DMD: variants seen among roughly 807,000 people sequenced by gnomAD.
DMD encodes mutant dystrophin.
In DMD, 63 loss-of-function variants were observed where a neutral mutation model predicts 330.1. The observed-to-expected ratio is 0.19, with a 90% CI of 0.16 to 0.24. DMD has a LOEUF of 0.24. DMD is among the 10% of genes least tolerant of loss of function. DMD has a pLI of 1.00. For synonymous variants in DMD, 1,223 were observed against 959.8 expected, an observed-to-expected ratio of 1.27 and a Z score of -5.07; for missense variants, 3,344 against 2,684.1, an observed-to-expected ratio of 1.25 and a Z score of -5.43.
intron 59 of DMD, among the ~76,000 whole-genome samples, chrX:31,468,805 T>C (rs2067069768): frequency 1.8e-5 from 2 of 111,850 alleles, no homozygotes; most frequent in Admixed American, 9.5e-5. Flanking sequence ...TCTATGTCTC[T>C]TTGTAGGTCT....
chrX:32,933,001 T>A (rs1362567567), intron 2 of DMD, among the ~76,000 whole-genome samples: 2 of 111,721 alleles, frequency 1.8e-5, no homozygotes, highest in Admixed American at 1.9e-4. Context: ...AAAATTCACC[T>A]TATCCAAACG....
rs1245709646 is a variant in DMD, at chrX:31,611,385, T to A, written c.8217+16288A>T. Among the ~76,000 whole-genome samples the A allele has an allele frequency of 9.9e-5, 11 of 111,291 alleles. No homozygotes were observed. The East Asian group carries it at 2.8e-3, about 29-fold the overall frequency. On this transcript the variant is annotated intron_variant, in intron 55 of 78. Transcript: ENST00000357033. ...CCCCAGGATTACAGAGGCTAGTGTT[T>A]AGGAACAGGACCCTAACTTCTTGAC...
intron 1 of DMD, among the ~76,000 whole-genome samples, chrX:33,036,811 A>ATATATT (rs2094211668): frequency 9.2e-6 from 1 of 109,040 alleles, no homozygotes; most frequent in African/African-American, 3.4e-5. Context: ...ATGTGTGTGT[A>ATATATT]TATATATATA....
At chrX:31,731,026 G>A in intron 51 of DMD, among the ~76,000 whole-genome samples, 1 of 111,891 alleles carries the variant, frequency 8.9e-6, no homozygotes, top group Non-Finnish European at 1.9e-5. Context: ...GACAGGCTTT[G>A]TGATTTAAAC....
chrX:32,634,615 G>A (rs1157510497), intron 11 of DMD, among the ~76,000 whole-genome samples: 2 of 111,959 alleles, frequency 1.8e-5, no homozygotes, highest in Non-Finnish European at 3.8e-5. Flanking sequence ...GGCCCAGGGT[G>A]TGTTCAGAAA....
chrX:32,899,802 GT>G (rs2086078967), intron 2 of DMD, among the ~76,000 whole-genome samples: 1 of 111,432 alleles, frequency 9.0e-6, no homozygotes. Flanking sequence ...ATTTAAACAT[GT>G]TTTTTAAACT....
chrX:33,188,234 A>ATCTCTCTC (rs745634940), intron 1 of DMD, among the ~76,000 whole-genome samples: 2 of 104,503 alleles, frequency 1.9e-5, no homozygotes, highest in Admixed American at 1.0e-4. Flanking sequence ...TCCTTTAACC[A>ATCTCTCTC]TCTCTCTCTC....
chrX:33,309,391 T>C (rs2053815151), intron 1 of DMD, among the ~76,000 whole-genome samples: 1 of 111,045 alleles, frequency 9.0e-6, no homozygotes, highest in African/African-American at 3.3e-5. Context: ...CTTTGACAAA[T>C]TGAGTATATG....
At chrX:31,472,717 C>T (rs2067390147) in intron 59 of DMD, among the ~76,000 whole-genome samples, 2 of 112,082 alleles carry the variant, frequency 1.8e-5, no homozygotes, top group Non-Finnish European at 3.8e-5. Context: ...ATAAGGATGG[C>T]ATCGTCACTT....
intron 37 of DMD, among the ~76,000 whole-genome samples, chrX:32,358,508 T>C (rs1315951759): frequency 4.5e-5 from 5 of 111,831 alleles, no homozygotes; most frequent in Non-Finnish European, 7.5e-5. Context: ...TTTCCTCACA[T>C]TGATTTCACA....
In DMD at chrX:32,342,296, C is replaced by T. The variant is rs369400926; in HGVS notation, c.5740-14G>A. ...CCGATCAATTTCCTATTGAGCAAAACCAATACAGGGCCCAGGGCAGTTAGC... is the reference window on the plus strand; with the variant it reads ...CCGATCAATTTCCTATTGAGCAAAATCAATACAGGGCCCAGGGCAGTTAGC... On this transcript the variant is annotated splice_polypyrimidine_tract_variant and intron_variant, in intron 40 of 78. Coordinates refer to ENST00000357033, the MANE Select transcript of DMD (RefSeq NM_004006.3). 3 of 1,210,280 alleles carry T rather than the reference C, an allele frequency of 2.5e-6. No individual in the cohort carries two copies. Among genetic ancestry groups the T allele is most frequent in the East Asian group, 5.9e-5 (2 of 33,800 alleles).
chrX:33,093,336 C>A (rs138278019), intron 1 of DMD, among the ~76,000 whole-genome samples: 157 of 112,379 alleles, frequency 1.4e-3, no homozygotes, highest in African/African-American at 4.6e-3. Flanking sequence ...ATTAACATTT[C>A]TCTGACTGAG....
At chrX:32,082,768 A>G (rs1229145379) in intron 44 of DMD, among the ~76,000 whole-genome samples, 1 of 111,819 alleles carries the variant, frequency 8.9e-6, no homozygotes, top group Middle Eastern at 4.3e-3. Context: ...TGATTATTCA[A>G]AAGTCCTATG....
At chrX:33,207,304 G>A (rs1395859523) in intron 1 of DMD, among the ~76,000 whole-genome samples, 1 of 111,292 alleles carries the variant, frequency 9.0e-6, no homozygotes, top group Non-Finnish European at 1.9e-5. Flanking sequence ...GAGCCATCTG[G>A]TTTAAGAAGG....
chrX:33,113,776 G>C (rs2095359526), intron 1 of DMD, among the ~76,000 whole-genome samples: 1 of 111,005 alleles, frequency 9.0e-6, no homozygotes, highest in African/African-American at 3.3e-5. Context: ...TTTCCCAAAA[G>C]ATCAGTTGTC....
intron 54 of DMD, among the ~76,000 whole-genome samples, chrX:31,651,731 T>C (rs67746098): frequency 0.1 from 11,287 of 110,786 alleles, 1,149 homozygotes; most frequent in African/African-American, 0.31. Flanking sequence ...CATTATAAAA[T>C]CTGTTGTGCT....
At chrX:31,846,877 T>A (rs1441629401) in intron 48 of DMD, among the ~76,000 whole-genome samples, 1 of 111,757 alleles carries the variant, frequency 8.9e-6, no homozygotes, top group African/African-American at 3.2e-5. Flanking sequence ...GACATCCACA[T>A]ACAAATTTTA....
intron 41 of DMD, among the ~76,000 whole-genome samples, chrX:32,332,413 A>AGTAAGTGTGT (rs2097684936): frequency 1.0e-5 from 1 of 95,342 alleles, no homozygotes; most frequent in Non-Finnish European, 2.1e-5. Flanking sequence ...ATGGATAAAA[A>AGTAAGTGTGT]GTGTGTGTGT....
intron 2 of DMD, among the ~76,000 whole-genome samples, chrX:32,914,366 C>T (rs1318285174): frequency 8.9e-6 from 1 of 111,928 alleles, no homozygotes. Context: ...AGCTTGAGAG[C>T]AAGAGTACTA....
Sources: allele counts gnomAD v4.1 joint callset (sites outside exome capture counted in the v4.1 genomes callset), GRCh38; gene constraint gnomAD v4.1.1; transcripts MANE v1.5; gene names NCBI Gene and HGNC (gene_info 2026-07-23, HGNC 2026-07-21).